PPM1H: variants seen among roughly 807,000 people sequenced by gnomAD.
The protein encoded by PPM1H is protein phosphatase 1H.
Under a neutral mutation model 54.9 loss-of-function variants are expected in PPM1H, and 27 were observed. The ratio of observed to expected loss-of-function variants is 0.49; its 90% CI spans 0.36 to 0.68. The LOEUF is 0.68. PPM1H is among the 30% of genes least tolerant of loss of function. PPM1H has a pLI of 0.00. For synonymous variants in PPM1H, 305 were observed against 270.8 expected (o/e 1.13, Z -1.24); for missense variants, 596 against 667.8 (o/e 0.89, Z 1.19).
chr12:62,649,485 A>AAAT (rs757791173), intron 9 of PPM1H, among the ~76,000 whole-genome samples: 27 of 152,230 alleles, frequency 1.8e-4, no homozygotes, highest in Non-Finnish European at 3.2e-4. Flanking sequence ...AGGCATAAAA[A>AAAT]AATGAGACAA....
At chr12:62,832,477 T>C (rs370176042) in intron 1 of PPM1H, among the ~76,000 whole-genome samples, 198 bp from the exon 2 acceptor site, 1 of 152,180 alleles carries the variant, frequency 6.6e-6, no homozygotes, top group African/African-American at 2.4e-5. Context: ...TAGCACCCAT[T>C]AAAATATTTA....
chr12:62,930,395 T>A (rs1326060860), intron 1 of PPM1H, among the ~76,000 whole-genome samples: 2 of 152,214 alleles, frequency 1.3e-5, no homozygotes, highest in Non-Finnish European at 2.9e-5. Context: ...CTATACTTAA[T>A]GTATTCTTTC....
intron 1 of PPM1H, among the ~76,000 whole-genome samples, chr12:62,902,553 A>G (rs957655711): frequency 1.3e-5 from 2 of 152,162 alleles, no homozygotes; most frequent in African/African-American, 4.8e-5. Context: ...TAAGGCTCTC[A>G]TGGGGTCCCC....
At chr12:62,803,367 G>T (rs892675994) in intron 2 of PPM1H, among the ~76,000 whole-genome samples, 2 of 152,170 alleles carry the variant, frequency 1.3e-5, no homozygotes, top group Non-Finnish European at 2.9e-5. Context: ...ATAGCTGATA[G>T]AATAGAGAGC....
intron 5 of PPM1H, among the ~76,000 whole-genome samples, chr12:62,727,001 G>A (rs150368135): frequency 5.9e-4 from 90 of 151,902 alleles, no homozygotes; most frequent in African/African-American, 1.8e-3. Flanking sequence ...TGCAACCTCC[G>A]CCTCCTGGGT....
chr12:62,788,298 G>T lies in PPM1H; in HGVS notation c.797C>A (p.Ser266Tyr), dbSNP rs752704956. The change falls in exon 4 of 10, where the codon TCT (serine) becomes TAT (tyrosine). Residue 266 changes from serine to tyrosine, a missense_variant. Around this residue, in one of 3 missense-constraint regions of PPM1H, gnomAD observed 382 missense variants for 387.1 expected, o/e 0.99. Transcript: ENST00000228705. ...IERERSSYNISGGCTALIVIC... is the reference protein window; with the variant it reads ...IERERSSYNIYGGCTALIVIC... ...CACAATGAGGGCCGTGCAGCCACCA[G>T]ATATATTATATGAACTCCTCTCTCG... 6.3e-6 allele frequency: 10 copies of T among 1,591,790 alleles called. No homozygotes were observed. The highest frequency in any genetic ancestry group is 8.6e-6 in the Non-Finnish European group (10 of 1,168,262).
intron 4 of PPM1H, among the ~76,000 whole-genome samples, chr12:62,769,270 G>T (rs2120642032): frequency 6.6e-6 from 1 of 152,340 alleles, no homozygotes; most frequent in South Asian, 2.1e-4. Context: ...ACCACTTGGG[G>T]TAAGGAAGTT....
At chr12:62,817,161 G>A (rs200454766) in intron 2 of PPM1H, among the ~76,000 whole-genome samples, 7,605 of 71,108 alleles carry the variant, frequency 0.11, 2 homozygotes, top group Middle Eastern at 0.16. Context: ...CTAAAAAAAA[G>A]AAAAAAAAAA....
intron 3 of PPM1H, among the ~76,000 whole-genome samples, chr12:62,791,871 C>A (rs187444434): frequency 1.9e-4 from 29 of 152,254 alleles, no homozygotes; most frequent in Non-Finnish European, 4.3e-4. Context: ...TTGCAGTGAG[C>A]CAAGATCGCA....
intron 2 of PPM1H, among the ~76,000 whole-genome samples, chr12:62,826,866 C>T (rs1246731695): frequency 6.6e-6 from 1 of 152,168 alleles, no homozygotes; most frequent in East Asian, 1.9e-4. Context: ...TCCTGTTGTT[C>T]CATTTTTTGC....
chr12:62,899,094 A>G (rs894070392), intron 1 of PPM1H, among the ~76,000 whole-genome samples: 4 of 152,248 alleles, frequency 2.6e-5, no homozygotes, highest in African/African-American at 4.8e-5. Context: ...GTCATATTCT[A>G]GTTCCTTAAT....
chr12:62,903,582 T>A (rs1002911585), intron 1 of PPM1H, among the ~76,000 whole-genome samples: 4 of 152,182 alleles, frequency 2.6e-5, no homozygotes, highest in African/African-American at 9.7e-5. Context: ...TGATTTTAGA[T>A]ACACTCAGAC....
intron 3 of PPM1H, among the ~76,000 whole-genome samples, chr12:62,790,325 C>T (rs976159885): frequency 3.3e-5 from 5 of 152,180 alleles, no homozygotes; most frequent in African/African-American, 1.2e-4. Flanking sequence ...GCCTGTAATT[C>T]CAATACTTTG....
chr12:62,931,898 C>T (rs1872147525), intron 1 of PPM1H, among the ~76,000 whole-genome samples: 1 of 152,048 alleles, frequency 6.6e-6, no homozygotes, highest in African/African-American at 2.4e-5. Flanking sequence ...CTGTTAATGA[C>T]ATAGTGTTTT....
chr12:62,743,246 G>A (rs773823489), intron 4 of PPM1H, among the ~76,000 whole-genome samples: 13 of 152,060 alleles, frequency 8.5e-5, no homozygotes, highest in Non-Finnish European at 1.9e-4. Context: ...ACAGCTACTT[G>A]GGAGGCTGAG....
intron 3 of PPM1H, among the ~76,000 whole-genome samples, chr12:62,792,889 T>A (rs1355358373): frequency 6.6e-6 from 1 of 152,246 alleles, no homozygotes; most frequent in Non-Finnish European, 1.5e-5. Flanking sequence ...TCAATAAAGA[T>A]ACATTTACCA....
At chr12:62,910,571 T>C (rs1023622194) in intron 1 of PPM1H, among the ~76,000 whole-genome samples, 3 of 152,228 alleles carry the variant, frequency 2.0e-5, no homozygotes, top group Admixed American at 6.5e-5. Context: ...ATGCCTGTGA[T>C]GACAATTTTT....
chr12:62,926,330 C>T (rs1871969767), intron 1 of PPM1H, among the ~76,000 whole-genome samples: 1 of 152,062 alleles, frequency 6.6e-6, no homozygotes. Flanking sequence ...CCATTTCCTT[C>T]CCCCCACCAC....
intron 2 of PPM1H, among the ~76,000 whole-genome samples, chr12:62,807,837 C>A (rs75662458): frequency 1.3e-5 from 2 of 152,132 alleles, no homozygotes; most frequent in Non-Finnish European, 2.9e-5. Flanking sequence ...CCAGAAAAAC[C>A]TTCCCATCAC....
Sources: gnomAD v4.1 joint callset for allele counts (sites outside exome capture counted in the v4.1 genomes callset) on GRCh38, gnomAD v4.1.1 for gene constraint, gnomAD v4.1.1 regional missense constraint, MANE v1.5 for transcripts, NCBI Gene and HGNC (gene_info 2026-07-23, HGNC 2026-07-21) for gene names.